Variants in PNPO observed in about 807,000 individuals in gnomAD.
PNPO encodes pyridoxamine 5'-phosphate oxidase, also known as pyridoxine-5'-phosphate oxidase.
PNPO carries 39 observed loss-of-function variants against 35.0 expected under a neutral mutation model. The observed-to-expected ratio is 1.11, with a 90% CI of 0.86 to 1.45. PNPO has a LOEUF of 1.45. Ranked by LOEUF, PNPO falls within the 40% of genes most tolerant of loss-of-function variation. The pLI, the probability that PNPO is intolerant of heterozygous loss-of-function variation, is 0.00. For synonymous variants in PNPO, 115 were observed against 119.8 expected, an observed-to-expected ratio of 0.96 and a Z score of 0.26; for missense variants, 288 against 340.0, an observed-to-expected ratio of 0.85 and a Z score of 1.20.
At chr17:47,943,220 T>A (rs2035965493) in intron 1 of PNPO, 86 bp from the exon 2 acceptor site, 7 of 1,092,196 alleles carry the variant, frequency 6.4e-6, no homozygotes, top group Non-Finnish European at 2.7e-6. Flanking sequence ...CTAAATGAGT[T>A]GATTTTTGAA....
intron 2 of PNPO, among the ~76,000 whole-genome samples, chr17:47,944,267 G>A (rs1393539218): frequency 6.6e-6 from 1 of 150,950 alleles, no homozygotes; most frequent in Non-Finnish European, 1.5e-5. Context: ...GTTCTGAAGT[G>A]TCTCTTCTCT....
At chr17:47,946,098 C>T in intron 5 of PNPO, 109 bp downstream of exon 5, 1 of 1,420,052 alleles carries the variant, frequency 7.0e-7, no homozygotes, top group African/African-American at 1.4e-5. Context: ...TCCTCTCTCT[C>T]CAGCCCAGTG....
At chr17:47,944,058 G>A (rs1348878659) in intron 2 of PNPO, among the ~76,000 whole-genome samples, 1 of 152,200 alleles carries the variant, frequency 6.6e-6, no homozygotes, top group Non-Finnish European at 1.5e-5. Context: ...AGACTGGATA[G>A]CTTAAACAAC....
At chr17:47,946,246 C>A in intron 5 of PNPO, 77 bp from the exon 6 acceptor site, 1 of 1,202,100 alleles carries the variant, frequency 8.3e-7, no homozygotes, top group Non-Finnish European at 1.2e-6. Flanking sequence ...ATGTCCCCAG[C>A]ACATATCCCC....
At chr17:47,943,719 C>T (rs986789037) in intron 2 of PNPO, among the ~76,000 whole-genome samples, 8 of 152,230 alleles carry the variant, frequency 5.3e-5, no homozygotes, top group Admixed American at 1.3e-4. Flanking sequence ...ACCCAAGCCC[C>T]GTCTGCCATT....
Position 47,945,699 on chromosome 17 carries a change from T to C in PNPO, c.417+87T>C, listed in dbSNP as rs1331145432. On this transcript the variant is annotated intron_variant, in intron 4 of 6. Coordinates refer to ENST00000642017, the MANE Select transcript of PNPO (RefSeq NM_018129.4). This position sits in a 1 kb window ranked among gnomAD's most constrained non-coding sequence, Gnocchi z 4.0. Reference sequence around the variant, plus strand: ...CTACGTCTAGCGAAGGTCCCCAGACTGGGCAAACATCCCAGCTGGGCACTC... The same window carrying C: ...CTACGTCTAGCGAAGGTCCCCAGACCGGGCAAACATCCCAGCTGGGCACTC... The C allele has an allele frequency of 8.3e-6, 12 of 1,438,540 alleles. No homozygotes were observed. Among genetic ancestry groups the C allele is most frequent in the Non-Finnish European group, 1.2e-5 (12 of 1,020,654 alleles). 89.1% of individuals were successfully genotyped at this position (1,438,540 alleles called of 1,614,324 possible).
In PNPO at chr17:47,945,807, G is replaced by A. The variant is rs2035999307; in HGVS notation, c.418-54G>A. On this transcript the variant is annotated intron_variant, in intron 4 of 6. Coordinates refer to ENST00000642017, the MANE Select transcript of PNPO (RefSeq NM_018129.4). The surrounding 1 kb of genome is among the most constrained non-coding windows in gnomAD (Gnocchi z 4.0). ...ACAGAGAGGAACGGGGCCTGTGCTG[G>A]TAGGGAGGGCAGGTGGCATTTAATG... 6.2e-7 allele frequency: 1 copy of A among 1,600,198 alleles called. No homozygotes were observed. Among genetic ancestry groups the A allele is most frequent in the Admixed American group, 1.7e-5 (1 of 57,880 alleles).
In PNPO at chr17:47,946,703, T is replaced by TACCCACAGGAGATTCCCCTTTGGGGCCC; in HGVS notation, c.709_736dup (p.Met246ThrfsTer21). 1 of 1,614,150 alleles carries TACCCACAGGAGATTCCCCTTTGGGGCCC rather than the reference T, an allele frequency of 6.2e-7. No individual in the cohort carries two copies. The highest frequency in any genetic ancestry group is 8.5e-7 in the Non-Finnish European group (1 of 1,179,984). Reference sequence around the variant, plus strand: ...GACCGGATAGTCTTTCGGCGGGGCCTACCCACAGGAGATTCCCCTTTGGGG... The same window carrying TACCCACAGGAGATTCCCCTTTGGGGCCC: ...GACCGGATAGTCTTTCGGCGGGGCCTACCCACAGGAGATTCCCCTTTGGGGCCCACCCACAGGAGATTCCCCTTTGGGG... On this transcript the variant is annotated frameshift_variant, in exon 7 of 7. Transcript: ENST00000642017. LOFTEE classifies it high-confidence loss of function.
chr17:47,942,539 A>AGGAG (rs780223479), intron 1 of PNPO, among the ~76,000 whole-genome samples: 1 of 152,116 alleles, frequency 6.6e-6, no homozygotes, highest in Non-Finnish European at 1.5e-5. Flanking sequence ...TAGCTCGGGG[A>AGGAG]GGAGGGGAGG....
Position 47,944,256 on chromosome 17 carries a change from G to A in PNPO, c.264-360G>A, listed in dbSNP as rs374691957. 2.6e-4 allele frequency among the ~76,000 whole-genome samples: 40 copies of A among 151,098 alleles called. 1 individual carries two copies. Among genetic ancestry groups the A allele is most frequent in the African/African-American group, 7.8e-4 (32 of 40,970 alleles). On this transcript the variant is annotated intron_variant, in intron 2 of 6. Transcript: ENST00000642017. ...GTGTGTTGTGGAGGGCAAGGGAGGT[G>A]GTTCTGAAGTGTCTCTTCTCTTACA...
chr17:47,943,284 TG>T, intron 1 of PNPO, 21 bp from the exon 2 acceptor site: 4 of 1,605,088 alleles, frequency 2.5e-6, no homozygotes, highest in Non-Finnish European at 1.7e-6. Flanking sequence ...GTTTATTAAA[TG>T]AAATAAATCT....
chr17:47,943,492 TCTCTA>T, intron 2 of PNPO, 62 bp downstream of exon 2: 1 of 1,598,208 alleles, frequency 6.3e-7, no homozygotes. Flanking sequence ...CTTATGAAGC[TCTCTA>T]CTCTGGATGC....
rs377079890 is a variant in PNPO, at chr17:47,945,347, G to A, written c.364-212G>A. 2.5e-4 allele frequency: 146 copies of A among 579,948 alleles called. 2 individuals are homozygous for A. In the South Asian group the frequency reaches 2.6e-3, roughly 10 times the overall value. 35.9% of individuals were successfully genotyped at this position (579,948 alleles called of 1,614,324 possible). ...TTGGAGTCCGACTGGCTTAAACTTA[G>A]CTCCACCACTTCCTGCAGGAACTTG... On this transcript the variant is annotated intron_variant, in intron 3 of 6. Transcript: ENST00000642017. This position sits in a 1 kb window ranked among gnomAD's most constrained non-coding sequence, Gnocchi z 4.0.
chr17:47,945,703 C>A lies in PNPO; in HGVS notation c.417+91C>A. The A allele has an allele frequency of 7.0e-7, 1 of 1,438,476 alleles. No individual in the cohort carries two copies. Among genetic ancestry groups the A allele is most frequent in the Non-Finnish European group, 9.8e-7 (1 of 1,020,856 alleles). 89.1% of individuals were successfully genotyped at this position (1,438,476 alleles called of 1,614,324 possible). A position where few individuals can be genotyped will look rare whatever the true frequency, so the allele number is the denominator to read the frequency against. On this transcript the variant is annotated intron_variant, in intron 4 of 6. Coordinates refer to ENST00000642017, the MANE Select transcript of PNPO (RefSeq NM_018129.4). The surrounding 1 kb of genome is among the most constrained non-coding windows in gnomAD (Gnocchi z 4.0). ...GTCTAGCGAAGGTCCCCAGACTGGG[C>A]AAACATCCCAGCTGGGCACTCTGCC...
At chr17:47,946,022 G>A (rs1193963438) in intron 5 of PNPO, 33 bp downstream of exon 5, 1 of 1,611,882 alleles carries the variant, frequency 6.2e-7, no homozygotes, top group Admixed American at 1.7e-5. Context: ...CCTCCAGGTG[G>A]TGGAGGCTTT....
chr17:47,944,692 G>C lies in PNPO; in HGVS notation c.340G>C (p.Glu114Gln). The change falls in exon 3 of 7, where the codon GAG becomes CAG. Residue 114 changes from glutamate to glutamine, a missense_variant. Transcript: ENST00000642017. The stretch of plus-strand genomic sequence containing the variant: ...TGGCTTCCGCTTCTTCACTAACTTC[G>C]AGAGTCGAAAAGGAAAAGAGCTGGT... ...KDGFRFFTNF[E>Q]SRKGKELDSN... is the part of the protein sequence containing the mutation. 1 of 1,614,006 alleles carries C rather than the reference G, an allele frequency of 6.2e-7. No homozygotes were observed. Among genetic ancestry groups the C allele is most frequent in the Non-Finnish European group, 8.5e-7 (1 of 1,179,902 alleles).
chr17:47,942,254 G>C (rs1298346021), intron 1 of PNPO: 1 of 158,254 alleles, frequency 6.3e-6, no homozygotes, highest in Non-Finnish European at 1.4e-5. Flanking sequence ...TGAATGAATC[G>C]GGGTTTCATG....
At position 47,945,592 on chromosome 17, in the gene PNPO, T is replaced by G; in HGVS notation, c.397T>G (p.Trp133Gly). The G allele has an allele frequency of 4.3e-6, 7 of 1,613,454 alleles. No individual in the cohort carries two copies. The highest frequency in any genetic ancestry group is 5.1e-6 in the Non-Finnish European group (6 of 1,179,366). ...SNPFASLVFY[W>G]EPLNRQVRVE... ...TCCCTTTGCTTCCCTTGTCTTCTAC[T>G]GGGAGCCACTTAACCGTCAGGTGAG... Residue 133 changes from tryptophan to glycine, a missense_variant, in exon 4 of 7, where the codon TGG (tryptophan) becomes GGG (glycine). Transcript: ENST00000642017. The surrounding 1 kb of genome is among the most constrained non-coding windows in gnomAD (Gnocchi z 4.0).
Position 47,945,660 on chromosome 17 carries a change from G to A in PNPO, c.417+48G>A, listed in dbSNP as rs1567713645. The A allele has an allele frequency of 1.3e-6, 2 of 1,541,008 alleles. No individual in the cohort carries two copies. Among genetic ancestry groups the A allele is most frequent in the South Asian group, 1.1e-5 (1 of 89,582 alleles). On this transcript the variant is annotated intron_variant, in intron 4 of 6. Coordinates refer to ENST00000642017, the MANE Select transcript of PNPO (RefSeq NM_018129.4). This position sits in a 1 kb window ranked among gnomAD's most constrained non-coding sequence, Gnocchi z 4.0. ...GCCTGGGATGGGCTGGGTTGGCAGG[G>A]CCTGAGTTTATGGCTACGTCTAGCG...
Sources: allele counts gnomAD v4.1 joint callset (sites outside exome capture counted in the v4.1 genomes callset), GRCh38; gene constraint gnomAD v4.1.1; non-coding constraint Gnocchi (gnomAD v3.1); transcripts MANE v1.5; gene names NCBI Gene and HGNC (gene_info 2026-07-23, HGNC 2026-07-21).